Variants in SPTLC3 observed in about 807,000 individuals in gnomAD.
SPTLC3 encodes the protein serine palmitoyltransferase long chain base subunit 3.
In SPTLC3, 36 loss-of-function variants were observed where a neutral mutation model predicts 59.3. The ratio of observed to expected loss-of-function variants is 0.61; its 90% CI spans 0.47 to 0.80. The LOEUF is 0.80. Ranked by LOEUF, SPTLC3 falls within the 30% of genes least tolerant of loss-of-function variation. The pLI is 0.00. For missense variants in SPTLC3, 625 were observed against 685.1 expected (o/e 0.91, Z 0.98); for synonymous variants, 257 against 240.8 (o/e 1.07, Z -0.62).
intron 9 of SPTLC3, among the ~76,000 whole-genome samples, chr20:13,145,151 C>G (rs2038480104): frequency 6.6e-6 from 1 of 151,904 alleles, no homozygotes; most frequent in Non-Finnish European, 1.5e-5. Flanking sequence ...GATTTTGAGG[C>G]AAGAGAAAGA....
At chr20:13,160,163 G>A (rs762902065) in intron 11 of SPTLC3, 31 bp downstream of exon 11, 3 of 1,585,286 alleles carry the variant, frequency 1.9e-6, no homozygotes, top group Admixed American at 1.7e-5. Context: ...CGGGATCTCA[G>A]TACCAGTACC....
chr20:13,129,507 C>T (rs1242223307), intron 9 of SPTLC3, among the ~76,000 whole-genome samples: 1 of 152,192 alleles, frequency 6.6e-6, no homozygotes, highest in Non-Finnish European at 1.5e-5. Flanking sequence ...ACTGAATTGT[C>T]TCAGAATGAC....
chr20:13,072,771 AT>A (rs1295282255), intron 3 of SPTLC3, among the ~76,000 whole-genome samples: 1 of 152,226 alleles, frequency 6.6e-6, no homozygotes, highest in East Asian at 1.9e-4. Flanking sequence ...TCTTGCTAGA[AT>A]TTAAACCAGA....
rs770319529 is a variant in SPTLC3 at position 13,154,072 on chromosome 20, T to G, written c.1349T>G (p.Phe450Cys). ...YFRQRLQEMG[F>C]IIYGNENASV... ...AGACAAAGACTGCAGGAAATGGGAT[T>G]CATTATCTATGGCAATGAGAATGCT... is the stretch of plus-strand genomic sequence containing the variant. The change falls in exon 10 of 12, where the codon TTC becomes TGC. Residue 450 changes from phenylalanine to cysteine, a missense_variant. Coordinates refer to ENST00000399002, the MANE Select transcript of SPTLC3 (RefSeq NM_018327.4). 1 of 1,614,168 alleles carries G rather than the reference T, an allele frequency of 6.2e-7. No homozygotes were observed. Among genetic ancestry groups the G allele is most frequent in the Non-Finnish European group, 8.5e-7 (1 of 1,179,996 alleles).
intron 6 of SPTLC3, among the ~76,000 whole-genome samples, chr20:13,104,370 G>A (rs898850603): frequency 6.6e-6 from 1 of 152,136 alleles, no homozygotes; most frequent in Non-Finnish European, 1.5e-5. Flanking sequence ...TAGTGAATAA[G>A]TCTCACGAGA....
chr20:13,117,631 A>G lies in SPTLC3; in HGVS notation c.1058A>G (p.Glu353Gly). 1 of 1,614,072 alleles carries G rather than the reference A, an allele frequency of 6.2e-7. No homozygotes were observed. Among genetic ancestry groups the G allele is most frequent in the South Asian group, 1.1e-5 (1 of 91,074 alleles). Residue 353 changes from glutamate (E) to glycine (G), a missense_variant, in exon 8 of 12, where the codon GAG (glutamate) becomes GGG (glycine). Coordinates refer to ENST00000399002, the MANE Select transcript of SPTLC3 (RefSeq NM_018327.4). ...GGCCCAACCGGCCGGGGTGTCACGGAGTTCTTTGGACTAGACCCTCATGAA... is the reference window on the plus strand; with the variant it reads ...GGCCCAACCGGCCGGGGTGTCACGGGGTTCTTTGGACTAGACCCTCATGAA... The part of the protein sequence containing the change: ...AVGPTGRGVT[E>G]FFGLDPHEVD...
At chr20:13,148,421 G>T (rs1170713942) in intron 9 of SPTLC3, among the ~76,000 whole-genome samples, 1 of 152,104 alleles carries the variant, frequency 6.6e-6, no homozygotes, top group Non-Finnish European at 1.5e-5. Flanking sequence ...CACCCTCAGG[G>T]GTGGGGTCGA....
intron 1 of SPTLC3, among the ~76,000 whole-genome samples, chr20:13,044,995 C>CCACACACA (rs5840546): frequency 1.1e-4 from 15 of 141,434 alleles, no homozygotes; most frequent in Admixed American, 1.4e-4. Flanking sequence ...TGTGTCCCCA[C>CCACACACA]CACACACACA....
At chr20:13,031,190 T>C (rs1234333872) in intron 1 of SPTLC3, among the ~76,000 whole-genome samples, 3 of 152,168 alleles carry the variant, frequency 2.0e-5, no homozygotes, top group African/African-American at 7.2e-5. Context: ...TAGAACTTCC[T>C]ATGATGATGG....
chr20:13,126,691 T>C lies in SPTLC3; in HGVS notation c.1253T>C (p.Ile418Thr). The C allele has an allele frequency of 1.2e-6, 2 of 1,614,062 alleles. No individual in the cohort carries two copies. Among genetic ancestry groups the C allele is most frequent in the Non-Finnish European group, 1.7e-6 (2 of 1,179,948 alleles). Residue 418 changes from isoleucine to threonine, a missense_variant, in exon 9 of 12, where the codon ATC becomes ACC. Physicochemically the swap from Ile to Thr is moderately conservative, Grantham distance 89. Transcript: ENST00000399002. Reference protein sequence around the residue: ...AEQIIRSLKLIMGLDGTTQGL... With the variant: ...AEQIIRSLKLTMGLDGTTQGL... Reference sequence around the variant, plus strand: ...CAAATCATCAGATCACTAAAACTTATCATGGGACTGGATGGGACCACTCAA... The same window carrying C: ...CAAATCATCAGATCACTAAAACTTACCATGGGACTGGATGGGACCACTCAA...
At chr20:13,119,430 T>A (rs1224318962) in intron 8 of SPTLC3, among the ~76,000 whole-genome samples, 1 of 152,230 alleles carries the variant, frequency 6.6e-6, no homozygotes, top group Non-Finnish European at 1.5e-5. Context: ...AGAGTATTTT[T>A]AAGATGTAGG....
chr20:13,070,449 C>A (rs1988394195), intron 2 of SPTLC3, among the ~76,000 whole-genome samples: 1 of 152,140 alleles, frequency 6.6e-6, no homozygotes, highest in South Asian at 2.1e-4. Context: ...CTGCAATGAA[C>A]CAGTGCAGAG....
At chr20:13,097,045 T>G (rs1989441379) in intron 6 of SPTLC3, among the ~76,000 whole-genome samples, 1 of 152,126 alleles carries the variant, frequency 6.6e-6, no homozygotes, top group Admixed American at 6.6e-5. Flanking sequence ...TGGGAACTAC[T>G]GAATTATTTG....
intron 8 of SPTLC3, among the ~76,000 whole-genome samples, chr20:13,123,218 C>G (rs1048307800): frequency 1.3e-5 from 2 of 152,046 alleles, no homozygotes; most frequent in African/African-American, 4.8e-5. Context: ...GTATTCCCAG[C>G]TACTCGGGAG....
intron 6 of SPTLC3, among the ~76,000 whole-genome samples, chr20:13,100,581 C>CA (rs1241215993): frequency 2.6e-5 from 4 of 151,570 alleles, no homozygotes; most frequent in African/African-American, 7.3e-5. Flanking sequence ...ATAACAACAA[C>CA]AACAAAAAAA....
At chr20:13,134,662 T>C (rs1368559506) in intron 9 of SPTLC3, among the ~76,000 whole-genome samples, 27 of 152,262 alleles carry the variant, frequency 1.8e-4, no homozygotes, top group Non-Finnish European at 2.9e-5. Context: ...TTGATAACCA[T>C]GTTTCTACGT....
intron 1 of SPTLC3, among the ~76,000 whole-genome samples, chr20:13,010,343 C>T (rs1029028110): frequency 2.0e-5 from 3 of 152,174 alleles, no homozygotes; most frequent in African/African-American, 4.8e-5. Context: ...GAGCAAGTAT[C>T]CACCCACAGG....
rs748362262 is a variant in SPTLC3 at position 13,126,652 on chromosome 20, C to T, written c.1214C>T (p.Pro405Leu). The change falls in exon 9 of 12, where the codon CCA (proline) becomes CTA (leucine). Residue 405 changes from proline to leucine, a missense_variant. By Grantham distance (98) the Pro-to-Leu change is moderately conservative. Coordinates refer to ENST00000399002, the MANE Select transcript of SPTLC3 (RefSeq NM_018327.4). The part of the protein sequence containing the change: ...HSAVYASSMS[P>L]PIAEQIIRSL... ...GCTGTTTATGCTTCATCCATGAGCC[C>T]ACCGATAGCAGAGCAAATCATCAGA... is the stretch of plus-strand genomic sequence containing the variant. The T allele has an allele frequency of 6.2e-6, 10 of 1,614,050 alleles. 1 individual carries two copies. In the South Asian group the frequency reaches 9.9e-5, roughly 16 times the overall value.
At chr20:13,041,550 T>C (rs979492690) in intron 1 of SPTLC3, among the ~76,000 whole-genome samples, 23 of 152,308 alleles carry the variant, frequency 1.5e-4, no homozygotes, top group African/African-American at 5.1e-4. Context: ...TAGTTCTTTA[T>C]ATATATTTGT....
Sources: gnomAD v4.1 joint callset for allele counts (sites outside exome capture counted in the v4.1 genomes callset) on GRCh38, gnomAD v4.1.1 for gene constraint, MANE v1.5 for transcripts, NCBI Gene and HGNC (gene_info 2026-07-23, HGNC 2026-07-21) for gene names.